LDB2: variants seen among roughly 807,000 people sequenced by gnomAD.
LDB2 encodes LIM domain-binding protein 2.
In LDB2, 12 loss-of-function variants were observed where a neutral mutation model predicts 44.3. The observed-to-expected ratio is 0.27, with a 90% confidence interval of 0.17 to 0.44. LDB2 has a LOEUF of 0.44. Ranked by LOEUF, LDB2 falls within the 20% of genes least tolerant of loss-of-function variation. The pLI, the probability that LDB2 is intolerant of heterozygous loss-of-function variation, is 1.00. For missense variants in LDB2, 344 were observed against 473.5 expected, an observed-to-expected ratio of 0.73 and a Z score of 2.54; for synonymous variants, 164 against 174.8, an observed-to-expected ratio of 0.94 and a Z score of 0.49.
chr4:16,785,351 C>T (rs1774194127), intron 1 of LDB2, among the ~76,000 whole-genome samples: 1 of 152,078 alleles, frequency 6.6e-6, no homozygotes, highest in African/African-American at 2.4e-5. Context: ...CCAAGTTCAA[C>T]TTCAGGCCAG....
intron 1 of LDB2, chr4:16,893,082 T>C: frequency 1.0e-6 from 1 of 973,432 alleles, no homozygotes; most frequent in Non-Finnish European, 1.2e-6. Context: ...ATTGGTTTTC[T>C]GAGGCCATGT....
chr4:16,676,215 T>C (rs1191347145), intron 2 of LDB2, among the ~76,000 whole-genome samples: 1 of 152,252 alleles, frequency 6.6e-6, no homozygotes, highest in Non-Finnish European at 1.5e-5. Context: ...AATTTCTTCT[T>C]TGTTGCTACA....
intron 2 of LDB2, among the ~76,000 whole-genome samples, chr4:16,597,152 C>T (rs762409314): frequency 2.3e-4 from 35 of 151,842 alleles, no homozygotes; most frequent in Admixed American, 7.2e-4. Flanking sequence ...TGTACATGAA[C>T]TTGGAAAAAA....
chr4:16,866,364 C>T (rs1447067631), intron 1 of LDB2, among the ~76,000 whole-genome samples: 1 of 152,060 alleles, frequency 6.6e-6, no homozygotes, highest in Non-Finnish European at 1.5e-5. Flanking sequence ...ATATAAAATG[C>T]TACTTTATGT....
intron 2 of LDB2, among the ~76,000 whole-genome samples, chr4:16,746,645 G>C (rs1234677392): frequency 6.6e-6 from 1 of 152,040 alleles, no homozygotes; most frequent in Non-Finnish European, 1.5e-5. Context: ...AAATTAGCTG[G>C]GCATGGTGGC....
chr4:16,577,616 AATCAATATTGTT>A (rs1398963109), intron 5 of LDB2, among the ~76,000 whole-genome samples: 2 of 152,206 alleles, frequency 1.3e-5, no homozygotes, highest in African/African-American at 4.8e-5. Flanking sequence ...TGATTGAAAG[AATCAATATTGTT>A]ACAATGTCCA....
chr4:16,551,190 T>G (rs745954043), intron 5 of LDB2, among the ~76,000 whole-genome samples: 1 of 152,136 alleles, frequency 6.6e-6, no homozygotes, highest in Non-Finnish European at 1.5e-5. Flanking sequence ...TTTAGGAGGG[T>G]CGATTGAGGT....
intron 2 of LDB2, among the ~76,000 whole-genome samples, chr4:16,617,767 T>G (rs1727734584): frequency 6.6e-6 from 1 of 152,190 alleles, no homozygotes; most frequent in Admixed American, 6.5e-5. Flanking sequence ...GAAGTGAAAC[T>G]AATATATGCA....
intron 2 of LDB2, among the ~76,000 whole-genome samples, chr4:16,680,445 C>G (rs929386565): frequency 6.6e-6 from 1 of 152,210 alleles, no homozygotes; most frequent in Non-Finnish European, 1.5e-5. Flanking sequence ...TCAAAACTCA[C>G]TATGTGAGCT....
chr4:16,755,518 TGTGTGTATGTGA>T (rs764915032), intron 2 of LDB2, among the ~76,000 whole-genome samples: 1,641 of 84,450 alleles, frequency 0.019, 17 homozygotes, highest in Non-Finnish European at 0.023. Flanking sequence ...TGTGTGTGTG[TGTGTGTATGTGA>T]GAGAGAGAGA....
intron 5 of LDB2, among the ~76,000 whole-genome samples, chr4:16,547,438 G>GACCTCCACTCCT (rs1181996358): frequency 3.3e-5 from 5 of 152,172 alleles, no homozygotes; most frequent in Admixed American, 1.3e-4. Flanking sequence ...ACCCAAATGA[G>GACCTCCACTCCT]ACCTCCACTC....
At chr4:16,854,755 A>G (rs541694985) in intron 1 of LDB2, among the ~76,000 whole-genome samples, 1 of 151,336 alleles carries the variant, frequency 6.6e-6, no homozygotes, top group South Asian at 2.1e-4. Flanking sequence ...TATTTCATGT[A>G]GAGGAGGAGA....
At chr4:16,618,726 G>C (rs956534439) in intron 2 of LDB2, among the ~76,000 whole-genome samples, 1 of 152,164 alleles carries the variant, frequency 6.6e-6, no homozygotes, top group East Asian at 1.9e-4. Context: ...GATTTTCTCT[G>C]TGAGGGTTTC....
chr4:16,513,557 TC>T (rs1722588564), intron 5 of LDB2, among the ~76,000 whole-genome samples: 1 of 152,212 alleles, frequency 6.6e-6, no homozygotes, highest in Non-Finnish European at 1.5e-5. Context: ...TGGAGGATCT[TC>T]CTATGCTGAC....
At chr4:16,627,938 G>A (rs1730755311) in intron 2 of LDB2, among the ~76,000 whole-genome samples, 1 of 152,136 alleles carries the variant, frequency 6.6e-6, no homozygotes, top group African/African-American at 2.4e-5. Context: ...CCAAGCTGCT[G>A]GAGTCAAATC....
intron 2 of LDB2, among the ~76,000 whole-genome samples, chr4:16,708,653 G>T (rs1288270820): frequency 6.6e-6 from 1 of 152,246 alleles, no homozygotes; most frequent in East Asian, 1.9e-4. Context: ...TTGGGACCAG[G>T]TAGACATGAT....
chr4:16,689,890 T>G (rs1750218608), intron 2 of LDB2, among the ~76,000 whole-genome samples: 1 of 152,242 alleles, frequency 6.6e-6, no homozygotes, highest in African/African-American at 2.4e-5. Flanking sequence ...TAAGAATAGT[T>G]AGGCCTTGAA....
At chr4:16,868,071 T>G (rs1324768894) in intron 1 of LDB2, among the ~76,000 whole-genome samples, 1 of 152,236 alleles carries the variant, frequency 6.6e-6, no homozygotes, top group African/African-American at 2.4e-5. Flanking sequence ...ACACCTTTCT[T>G]TTAATCACAT....
intron 1 of LDB2, among the ~76,000 whole-genome samples, chr4:16,831,373 A>G (rs1011144242): frequency 1.3e-5 from 2 of 152,038 alleles, no homozygotes; most frequent in African/African-American, 4.8e-5. Flanking sequence ...CTTTTGAGTA[A>G]TATGAAAAGC....
Sources: allele counts gnomAD v4.1 joint callset (sites outside exome capture counted in the v4.1 genomes callset), GRCh38; gene constraint gnomAD v4.1.1; transcripts MANE v1.5; gene names NCBI Gene and HGNC (gene_info 2026-07-23, HGNC 2026-07-21).